Variants in KCNA7 observed in about 807,000 individuals in gnomAD.
The protein encoded by KCNA7 is potassium voltage-gated channel subfamily A member 7.
Under a neutral mutation model 21.5 loss-of-function variants are expected in KCNA7, and 15 were observed. That is an observed-to-expected ratio of 0.70 (90% CI 0.47 to 1.07). KCNA7 has a LOEUF of 1.07. Ranked by LOEUF, KCNA7 falls within the 50% of genes least tolerant of loss-of-function variation. KCNA7 has a pLI of 0.00. For synonymous variants in KCNA7, 298 were observed against 291.0 expected (o/e 1.02, Z -0.24); for missense variants, 640 against 651.6 (o/e 0.98, Z 0.19).
Position 49,072,295 on chromosome 19 carries a change from C to T in KCNA7, c.291G>A (p.Gly97=), listed in dbSNP as rs1042964138. Residue 97 remains glycine (G), a synonymous_variant, in exon 1 of 2, where the codon GGG becomes GGA. Transcript: ENST00000221444. ...GGCGTGCCAGGGCCGCCGCGCCCAG[C>T]CCGTAGAAGGCCACCTCTTCCAGGA... ...DVFLEEVAFY[G]LGAAALARLR... is the part of the protein sequence containing the mutation. 8.2e-6 allele frequency: 13 copies of T among 1,585,328 alleles called. No individual in the cohort carries two copies. Among genetic ancestry groups the T allele is most frequent in the Non-Finnish European group, 1.1e-5 (13 of 1,170,346 alleles).
Position 49,072,419 on chromosome 19 carries a change from TAC to T in KCNA7, c.165_166del (p.Tyr56PhefsTer111), listed in dbSNP as rs1368418134. The T allele has an allele frequency of 3.2e-6, 5 of 1,579,380 alleles. No individual in the cohort carries two copies. The highest frequency in any genetic ancestry group is 4.3e-6 in the Non-Finnish European group (5 of 1,170,754). On this transcript the variant is annotated frameshift_variant, in exon 1 of 2. Coordinates refer to ENST00000221444, the MANE Select transcript of KCNA7 (RefSeq NM_031886.3). LOFTEE classifies it high-confidence loss of function. ...GCTGGGCCGGTGCCGGTCGAAGAAATACTCGCGGCGCGCGTCGTCGTAGAAGC... is the reference window on the plus strand; with the variant it reads ...GCTGGGCCGGTGCCGGTCGAAGAAATTCGCGGCGCGCGTCGTCGTAGAAGC...
Position 49,072,416 on chromosome 19 carries a change from A to T in KCNA7, c.170T>A (p.Phe57Tyr). The change falls in exon 1 of 2, where the codon TTC (phenylalanine) becomes TAC (tyrosine). Residue 57 changes from phenylalanine (F) to tyrosine (Y), a missense_variant. Physicochemically the swap from Phe to Tyr is conservative, Grantham distance 22. Coordinates refer to ENST00000221444, the MANE Select transcript of KCNA7 (RefSeq NM_031886.3). ...RFYDDARREYFFDRHRPSFDA... is the reference protein window; with the variant it reads ...RFYDDARREYYFDRHRPSFDA... The stretch of plus-strand genomic sequence containing the variant: ...GAAGCTGGGCCGGTGCCGGTCGAAG[A>T]AATACTCGCGGCGCGCGTCGTCGTA... 3.2e-6 allele frequency: 5 copies of T among 1,580,758 alleles called. No homozygotes were observed. The highest frequency in any genetic ancestry group is 4.3e-6 in the Non-Finnish European group (5 of 1,171,134).
Position 49,070,675 on chromosome 19 carries a change from G to A in KCNA7, c.759C>T (p.Tyr253=). 6.2e-7 allele frequency: 1 copy of A among 1,614,176 alleles called. No homozygotes were observed. Among genetic ancestry groups the A allele is most frequent in the African/African-American group, 1.3e-5 (1 of 75,026 alleles). ...NLIDFVAILP[Y]FVALGTELAR... is the part of the protein sequence containing the mutation. ...CCAGCTCGGTGCCCAGTGCCACAAA[G>A]TAGGGAAGGATAGCCACAAAATCGA... Residue 253 remains tyrosine, a synonymous_variant, in exon 2 of 2, where the codon TAC becomes TAT. Coordinates refer to ENST00000221444, the MANE Select transcript of KCNA7 (RefSeq NM_031886.3). This position sits in a 1 kb window ranked among gnomAD's most constrained non-coding sequence, Gnocchi z 4.3.
rs761166864 is a variant in KCNA7 at position 49,070,045 on chromosome 19, G to A, written c.*18C>T. ...TCCCTCTAGGGAGGTGTGAGGTCCT[G>A]CAGACCTCAACTGTTCCTCACACTT... On this transcript the variant is annotated 3_prime_UTR_variant, in exon 2 of 2. Transcript: ENST00000221444. This position sits in a 1 kb window ranked among gnomAD's most constrained non-coding sequence, Gnocchi z 4.3. The A allele has an allele frequency of 1.9e-6, 3 of 1,565,726 alleles. No individual in the cohort carries two copies. Among genetic ancestry groups the A allele is most frequent in the African/African-American group, 1.4e-5 (1 of 73,978 alleles).
chr19:49,069,751 G>T lies in KCNA7; in HGVS notation c.*312C>A. 1 of 316,098 alleles carries T rather than the reference G, an allele frequency of 3.2e-6. No homozygotes were observed. The highest frequency in any genetic ancestry group is 6.0e-5 in the East Asian group (1 of 16,780). The allele number at this position is 316,098 out of a possible 1,614,324, so 19.6% of individuals were successfully genotyped here. A position where few individuals can be genotyped will look rare whatever the true frequency, so the allele number is the denominator to read the frequency against. ...CACTGACCTAGGAAACTCACAAAAT[G>T]ATACGACCAAACCTATCTCAACACT... On this transcript the variant is annotated 3_prime_UTR_variant, in exon 2 of 2. Coordinates refer to ENST00000221444, the MANE Select transcript of KCNA7 (RefSeq NM_031886.3).
rs1382331264 is a variant in KCNA7 at position 49,070,793 on chromosome 19, G to A, written c.641C>T (p.Thr214Met). Residue 214 changes from threonine (T) to methionine (M), a missense_variant, in exon 2 of 2, where the codon ACG becomes ATG. Transcript: ENST00000221444. The surrounding 1 kb of genome is among the most constrained non-coding windows in gnomAD (Gnocchi z 4.3). ...AAAGGAGAACCAACAAATACACAGCGTCTCCACCACGAAGAACGGGTCATT... is the reference window on the plus strand; with the variant it reads ...AAAGGAGAACCAACAAATACACAGCATCTCCACCACGAAGAACGGGTCATT... ...PFNDPFFVVE[T>M]LCICWFSFEL... is the part of the protein sequence containing the mutation. The A allele has an allele frequency of 4.3e-6, 7 of 1,614,096 alleles. No individual in the cohort carries two copies. Among genetic ancestry groups the A allele is most frequent in the African/African-American group, 1.3e-5 (1 of 74,940 alleles).
At chr19:49,071,320 A>G (rs1445462578) in intron 1 of KCNA7, among the ~76,000 whole-genome samples, 1 of 151,956 alleles carries the variant, frequency 6.6e-6, no homozygotes, top group Non-Finnish European at 1.5e-5. Flanking sequence ...CACTTTGGGA[A>G]GCCGAGGCGG....
Position 49,070,165 on chromosome 19 carries a change from T to C in KCNA7, c.1269A>G (p.Pro423=). 1.2e-6 allele frequency: 2 copies of C among 1,614,140 alleles called. No individual in the cohort carries two copies. Among genetic ancestry groups the C allele is most frequent in the Non-Finnish European group, 1.7e-6 (2 of 1,180,018 alleles). The change falls in exon 2 of 2, where the codon CCA becomes CCG. Residue 423 remains proline, a synonymous_variant. Transcript: ENST00000221444. The surrounding 1 kb of genome is among the most constrained non-coding windows in gnomAD (Gnocchi z 4.3). ...FSHVDMQPCG[P]LEGKANGGLV... Reference sequence around the variant, plus strand: ...GCCCCCCATTGGCCTTGCCCTCCAGTGGGCCACAAGGCTGCATGTCCACAT... The same window carrying C: ...GCCCCCCATTGGCCTTGCCCTCCAGCGGGCCACAAGGCTGCATGTCCACAT...
chr19:49,071,640 T>C (rs1266411736), intron 1 of KCNA7, among the ~76,000 whole-genome samples: 1 of 151,900 alleles, frequency 6.6e-6, no homozygotes, highest in African/African-American at 2.4e-5. Context: ...TTTCTTTCCA[T>C]AGATTCCTCC....
chr19:49,071,999 C>A, intron 1 of KCNA7, 32 bp downstream of exon 1: 1 of 1,516,776 alleles, frequency 6.6e-7, no homozygotes, highest in South Asian at 1.2e-5. Context: ...CTCCCAAACC[C>A]CGCCCGTCTC....
chr19:49,071,528 CCTGGGCGACAGAGCAAGACTCTGT>C (rs1449294451), intron 1 of KCNA7, among the ~76,000 whole-genome samples: 1 of 151,910 alleles, frequency 6.6e-6, no homozygotes, highest in Non-Finnish European at 1.5e-5. Flanking sequence ...TGCACTCCAG[CCTGGGCGACAGAGCAAGACTCTGT>C]CTCACAGGAA....
In KCNA7 at chr19:49,070,369, G is replaced by T. The variant is rs1194157541; in HGVS notation, c.1065C>A (p.Thr355=). The change falls in exon 2 of 2, where the codon ACC becomes ACA. Residue 355 remains threonine (T), a synonymous_variant. Transcript: ENST00000221444. The surrounding 1 kb of genome is among the most constrained non-coding windows in gnomAD (Gnocchi z 4.3). ...IPESFWWAVV[T]MTTVGYGDMA... ...TGTCTCCATAGCCAACTGTAGTCAT[G>T]GTGACTACCGCCCACCAGAAGGACT... The T allele has an allele frequency of 6.2e-7, 1 of 1,614,116 alleles. No homozygotes were observed. Among genetic ancestry groups the T allele is most frequent in the Admixed American group, 1.7e-5 (1 of 60,014 alleles).
rs778870173 is a variant in KCNA7, at chr19:49,070,740, G to C, written c.694C>G (p.Pro232Ala). 6.2e-6 allele frequency: 10 copies of C among 1,614,068 alleles called. No homozygotes were observed. The highest frequency in any genetic ancestry group is 8.5e-7 in the Non-Finnish European group (1 of 1,180,048). The change falls in exon 2 of 2, where the codon CCA becomes GCA. Residue 232 changes from proline (P) to alanine (A), a missense_variant. Pro to Ala is a conservative substitution (Grantham distance 27, BLOSUM62 -1). Transcript: ENST00000221444. This position sits in a 1 kb window ranked among gnomAD's most constrained non-coding sequence, Gnocchi z 4.3. ...FELLVRLLVC[P>A]SKAIFFKNVM... is the part of the protein sequence containing the mutation. The stretch of plus-strand genomic sequence containing the variant: ...TTCTTGAAGAAGATAGCCTTGCTTG[G>C]ACAGACCAGGAGGCGTACCAGCAGC...
At position 49,072,357 on chromosome 19, in the gene KCNA7, G is replaced by T. The variant is rs1326921330; in HGVS notation, c.229C>A (p.Arg77=). ...AVLYYYQSGG[R]LRRPAHVPLD... ...GGCACGTGCGCCGGCCGCCGCAGCCGCCCACCGGACTGGTAGTAGTAGAGC... is the reference window on the plus strand; with the variant it reads ...GGCACGTGCGCCGGCCGCCGCAGCCTCCCACCGGACTGGTAGTAGTAGAGC... Residue 77 remains arginine (R), a synonymous_variant, in exon 1 of 2, where the codon CGG becomes AGG. Transcript: ENST00000221444. 1.3e-6 allele frequency: 2 copies of T among 1,595,112 alleles called. No homozygotes were observed. The highest frequency in any genetic ancestry group is 1.7e-5 in the Admixed American group (1 of 59,050).
chr19:49,068,488 T>C lies in KCNA7; in HGVS notation c.*1575A>G, dbSNP rs2040234184. On this transcript the variant is annotated 3_prime_UTR_variant, in exon 2 of 2. Coordinates refer to ENST00000221444, the MANE Select transcript of KCNA7 (RefSeq NM_031886.3). ...CCACCACACTCAGCTAATTTTTGTA[T>C]TTTTTGTAGAGATGGGGTCTCACCA... The C allele has an allele frequency of 6.6e-6, 1 of 152,294 alleles. No homozygotes were observed. The allele number at this position is 152,294 out of a possible 1,614,324, so 9.4% of individuals were successfully genotyped here.
At chr19:49,071,072 T>A (rs2040254592) in intron 1 of KCNA7, among the ~76,000 whole-genome samples, 194 bp from the exon 2 acceptor site, 1 of 152,102 alleles carries the variant, frequency 6.6e-6, no homozygotes, top group African/African-American at 2.4e-5. Context: ...GACTTTCTGG[T>A]TGCCTGACCT....
At position 49,072,138 on chromosome 19, in the gene KCNA7, C is replaced by G. The variant is rs758595605; in HGVS notation, c.448G>C (p.Val150Leu). ...QAARVLAVVS[V>L]LVILVSIVVF... Reference sequence around the variant, plus strand: ...ACGATGGAGACGAGGATGACCAGCACGGAGACTACGGCGAGCACGCGCGCG... The same window carrying G: ...ACGATGGAGACGAGGATGACCAGCAGGGAGACTACGGCGAGCACGCGCGCG... The change falls in exon 1 of 2, where the codon GTG becomes CTG. Residue 150 changes from valine to leucine, a missense_variant. By Grantham distance (32) the Val-to-Leu change is conservative (BLOSUM62 1). Transcript: ENST00000221444. The G allele has an allele frequency of 1.5e-5, 24 of 1,612,404 alleles. No homozygotes were observed. Among genetic ancestry groups the G allele is most frequent in the Admixed American group, 1.0e-4 (6 of 60,014 alleles).
chr19:49,072,355 C>T lies in KCNA7; in HGVS notation c.231G>A (p.Arg77=), dbSNP rs1385931634. The T allele has an allele frequency of 1.3e-6, 2 of 1,595,354 alleles. No homozygotes were observed. The highest frequency in any genetic ancestry group is 1.7e-5 in the Admixed American group (1 of 59,036). The change falls in exon 1 of 2, where the codon CGG becomes CGA. Residue 77 remains arginine (R), a synonymous_variant. Transcript: ENST00000221444. ...GCGGCACGTGCGCCGGCCGCCGCAGCCGCCCACCGGACTGGTAGTAGTAGA... is the reference window on the plus strand; with the variant it reads ...GCGGCACGTGCGCCGGCCGCCGCAGTCGCCCACCGGACTGGTAGTAGTAGA... The part of the protein sequence containing the change: ...AVLYYYQSGG[R]LRRPAHVPLD...
rs2040264535 is a variant in KCNA7 at position 49,072,245 on chromosome 19, AC to A, written c.340del (p.Val114CysfsTer34). The stretch of plus-strand genomic sequence containing the variant: ...GCGGGGCAGGGGGCGCTCGGGCGGC[AC>A]CGGGCAGCCCTCGTCCTCGCGCAGG... ...ARLREDEGCP[V>X]PPERPLPRRA... On this transcript the variant is annotated frameshift_variant, in exon 1 of 2. Coordinates refer to ENST00000221444, the MANE Select transcript of KCNA7 (RefSeq NM_031886.3). LOFTEE classifies it high-confidence loss of function. 5.7e-6 allele frequency: 9 copies of A among 1,591,154 alleles called. No homozygotes were observed. Among genetic ancestry groups the A allele is most frequent in the Non-Finnish European group, 7.7e-6 (9 of 1,169,944 alleles).
Sources: allele counts gnomAD v4.1 joint callset (sites outside exome capture counted in the v4.1 genomes callset), GRCh38; gene constraint gnomAD v4.1.1; non-coding constraint Gnocchi (gnomAD v3.1); transcripts MANE v1.5; gene names NCBI Gene and HGNC (gene_info 2026-07-23, HGNC 2026-07-21).